FUT6: variants seen among roughly 807,000 people sequenced by gnomAD.
FUT6 encodes fucosyltransferase 6, also known as 4-galactosyl-N-acetylglucosaminide 3-alpha-L-fucosyltransferase FUT6.
For synonymous variants in FUT6, 187 were observed against 209.9 expected, an observed-to-expected ratio of 0.89 and a Z score of 0.94; for missense variants, 454 against 494.6, an observed-to-expected ratio of 0.92 and a Z score of 0.78.
rs2057074430 is a variant in FUT6 at position 5,830,551 on chromosome 19, G to C, written c.*937C>G. The C allele has an allele frequency of 6.8e-6, 1 of 146,466 alleles. No homozygotes were observed. Among genetic ancestry groups the C allele is most frequent in the Non-Finnish European group, 1.5e-5 (1 of 67,410 alleles). 9.1% of individuals were successfully genotyped at this position (146,466 alleles called of 1,614,324 possible). ...GGGTTCAAGCGATTCTTGTGTCTCA[G>C]CCACCTGGGTAGCTGGGATTACAGG... is the stretch of plus-strand genomic sequence containing the variant. On this transcript the variant is annotated 3_prime_UTR_variant, in exon 3 of 3. Transcript: ENST00000318336.
In FUT6 at chr19:5,832,587, G is replaced by A. The variant is rs753550939; in HGVS notation, c.-12-8C>T. 3.1e-6 allele frequency: 5 copies of A among 1,598,448 alleles called. No individual in the cohort carries two copies. Among genetic ancestry groups the A allele is most frequent in the Non-Finnish European group, 4.3e-6 (5 of 1,166,428 alleles). ...ATCCATGGGTCAGAGTATCTGGGAA[G>A]TGGGGAGAGAGGAGTGAGGGTCATT... On this transcript the variant is annotated splice_polypyrimidine_tract_variant and splice_region_variant and intron_variant, in intron 2 of 2. Coordinates refer to ENST00000318336, the MANE Select transcript of FUT6 (RefSeq NM_000150.4). The surrounding 1 kb of genome is among the most constrained non-coding windows in gnomAD (Gnocchi z 4.3).
chr19:5,832,476 A>G lies in FUT6; in HGVS notation c.92T>C (p.Phe31Ser). The G allele has an allele frequency of 6.2e-7, 1 of 1,613,718 alleles. No homozygotes were observed. The highest frequency in any genetic ancestry group is 8.5e-7 in the Non-Finnish European group (1 of 1,179,962). The change falls in exon 3 of 3, where the codon TTC becomes TCC. Residue 31 changes from phenylalanine to serine, a missense_variant. Transcript: ENST00000318336. This position sits in a 1 kb window ranked among gnomAD's most constrained non-coding sequence, Gnocchi z 4.3. Reference sequence around the variant, plus strand: ...GTCTTGAGACACACGCAGATAGGAGAAGAAACACACAGCCATCAGCAGCTG... The same window carrying G: ...GTCTTGAGACACACGCAGATAGGAGGAGAAACACACAGCCATCAGCAGCTG... The part of the protein sequence containing the change: ...LFQLLMAVCF[F>S]SYLRVSQDDP...
chr19:5,837,835 G>A (rs1471229354), intron 1 of FUT6: 1 of 152,184 alleles, frequency 6.6e-6, no homozygotes, highest in East Asian at 1.9e-4. Context: ...GCATAGCGGA[G>A]CTCCAGGCAT....
chr19:5,833,145 G>A lies in FUT6; in HGVS notation c.-12-566C>T, dbSNP rs150165046. ...AGAGAAAGCAAAGGAAGTACTCAGGGCTGCCAGTGTCGAGTTCATATTAGA... is the reference window on the plus strand; with the variant it reads ...AGAGAAAGCAAAGGAAGTACTCAGGACTGCCAGTGTCGAGTTCATATTAGA... On this transcript the variant is annotated intron_variant, in intron 2 of 2. Transcript: ENST00000318336. Among the ~76,000 whole-genome samples, 25 of 152,320 alleles carry A rather than the reference G, an allele frequency of 1.6e-4. No homozygotes were observed. In the East Asian group the frequency reaches 4.8e-3, roughly 29 times the overall value.
chr19:5,831,725 C>T lies in FUT6; in HGVS notation c.843G>A (p.Glu281=), dbSNP rs1233502793. ...TGAAGGCGTCGGGTGGCAGGAACCT[C>T]TCGTAGTTGCTTCTGCTGGGGCCCA... is the stretch of plus-strand genomic sequence containing the variant. ...VVLGPSRSNY[E]RFLPPDAFIH... Residue 281 remains glutamate, a synonymous_variant, in exon 3 of 3, where the codon GAG becomes GAA. Transcript: ENST00000318336. This position sits in a 1 kb window ranked among gnomAD's most constrained non-coding sequence, Gnocchi z 7.0. 2 of 1,612,042 alleles carry T rather than the reference C, an allele frequency of 1.2e-6. No individual in the cohort carries two copies. The highest frequency in any genetic ancestry group is 3.3e-5 in the Admixed American group (2 of 59,908).
At chr19:5,833,882 A>G (rs1469532615) in intron 2 of FUT6, among the ~76,000 whole-genome samples, 1 of 152,116 alleles carries the variant, frequency 6.6e-6, no homozygotes, top group Non-Finnish European at 1.5e-5. Context: ...CTGTATTCCC[A>G]GCACTTTGGA....
rs1436866725 is a variant in FUT6 at position 5,832,234 on chromosome 19, C to G, written c.334G>C (p.Val112Leu). 6.2e-7 allele frequency: 1 copy of G among 1,613,916 alleles called. No individual in the cohort carries two copies. Among genetic ancestry groups the G allele is most frequent in the African/African-American group, 1.3e-5 (1 of 74,924 alleles). ...AGCTGGGCACTGGGGTTGTACATGA[C>G]CTCTCGGTGGTGCACGATGACCGCG... Reference protein sequence around the residue: ...ADAVIVHHREVMYNPSAQLPR... With the variant: ...ADAVIVHHRELMYNPSAQLPR... Residue 112 changes from valine (V) to leucine (L), a missense_variant, in exon 3 of 3, where the codon GTC (valine) becomes CTC (leucine). Val to Leu is a conservative substitution (Grantham distance 32). Transcript: ENST00000318336. This position sits in a 1 kb window ranked among gnomAD's most constrained non-coding sequence, Gnocchi z 4.3.
chr19:5,831,918 T>G lies in FUT6; in HGVS notation c.650A>C (p.Lys217Thr), dbSNP rs528111791. The G allele has an allele frequency of 6.2e-7, 1 of 1,613,916 alleles. No individual in the cohort carries two copies. Among genetic ancestry groups the G allele is most frequent in the South Asian group, 1.1e-5 (1 of 91,074 alleles). The stretch of plus-strand genomic sequence containing the variant: ...GTGGGAGCGTCCGTACACGTCCACC[T>G]TGAGATGGGCCTGCAGGCTCTGGTA... ...RYYQSLQAHL[K>T]VDVYGRSHKP... Residue 217 changes from lysine to threonine, a missense_variant, in exon 3 of 3, where the codon AAG becomes ACG. Lys to Thr is a moderately conservative substitution (Grantham distance 78). Coordinates refer to ENST00000318336, the MANE Select transcript of FUT6 (RefSeq NM_000150.4). This position sits in a 1 kb window ranked among gnomAD's most constrained non-coding sequence, Gnocchi z 7.0.
chr19:5,834,262 CGTGGGG>C (rs2057149941), intron 2 of FUT6: 1 of 9,144 alleles, frequency 1.1e-4, no homozygotes, highest in Non-Finnish European at 1.8e-4. Context: ...AATAGGCAGG[CGTGGGG>C]ACCGATAGGA....
intron 1 of FUT6, among the ~76,000 whole-genome samples, chr19:5,835,374 C>T (rs2057165681): frequency 6.6e-6 from 1 of 152,214 alleles, no homozygotes; most frequent in East Asian, 1.9e-4. Context: ...GTACACACAA[C>T]TAGAGCCATT....
At chr19:5,837,931 G>C (rs1451952720) in intron 1 of FUT6, 8 of 152,150 alleles carry the variant, frequency 5.3e-5, no homozygotes, top group Non-Finnish European at 1.0e-4. Flanking sequence ...GCCCTCGAGG[G>C]ACACTCAGAG....
intron 1 of FUT6, among the ~76,000 whole-genome samples, chr19:5,837,037 ATGTT>A: frequency 6.6e-6 from 1 of 152,050 alleles, no homozygotes; most frequent in East Asian, 1.9e-4. Flanking sequence ...TGTACTTTTT[ATGTT>A]TGTTTGTTTG....
rs982956364 is a variant in FUT6 at position 5,833,991 on chromosome 19, G to A, written c.-13+959C>T. 1.1e-4 allele frequency among the ~76,000 whole-genome samples: 17 copies of A among 152,078 alleles called. 1 individual carries two copies. The highest frequency in any genetic ancestry group is 9.8e-4 in the Admixed American group (15 of 15,248). ...TACTAAAAATACAACAATTAGCTGGGCATGGTGGCACATGCCTGTAGTCCC... is the reference window on the plus strand; with the variant it reads ...TACTAAAAATACAACAATTAGCTGGACATGGTGGCACATGCCTGTAGTCCC... On this transcript the variant is annotated intron_variant, in intron 2 of 2. Transcript: ENST00000318336.
Position 5,831,747 on chromosome 19 carries a change from C to T in FUT6, c.821G>A (p.Gly274Asp), listed in dbSNP as rs2057097618. The T allele has an allele frequency of 1.9e-6, 3 of 1,612,724 alleles. No homozygotes were observed. Among genetic ancestry groups the T allele is most frequent in the African/African-American group, 1.3e-5 (1 of 74,790 alleles). The change falls in exon 3 of 3, where the codon GGC becomes GAC. Residue 274 changes from glycine to aspartate, a missense_variant. Physicochemically the swap from Gly to Asp is moderately conservative, Grantham distance 94. Transcript: ENST00000318336. This position sits in a 1 kb window ranked among gnomAD's most constrained non-coding sequence, Gnocchi z 7.0. ...CCTCTCGTAGTTGCTTCTGCTGGGG[C>T]CCAGCACCACGGGCACGGCCCAGGC... Reference protein sequence around the residue: ...LEAWAVPVVLGPSRSNYERFL... With the variant: ...LEAWAVPVVLDPSRSNYERFL...
In FUT6 at chr19:5,831,661, G is replaced by A. The variant is rs61147939; in HGVS notation, c.907C>T (p.Arg303Trp). The A allele has an allele frequency of 1.2e-5, 20 of 1,612,224 alleles. No homozygotes were observed. The highest frequency in any genetic ancestry group is 1.9e-4 in the Middle Eastern group (1 of 5,314). ...TCCTTGTCCAGCTCCTGCAGGTACC[G>A]GGCCAGGTCCTTGGGGCTCTGGAAG... ...DDFQSPKDLA[R>W]YLQELDKDHA... The change falls in exon 3 of 3, where the codon CGG (arginine) becomes TGG (tryptophan). Residue 303 changes from arginine to tryptophan, a missense_variant. Transcript: ENST00000318336. This position sits in a 1 kb window ranked among gnomAD's most constrained non-coding sequence, Gnocchi z 7.0.
At chr19:5,833,415 G>C (rs545623134) in intron 2 of FUT6, among the ~76,000 whole-genome samples, 7 of 151,794 alleles carry the variant, frequency 4.6e-5, no homozygotes, top group African/African-American at 1.5e-4. Context: ...CTTGAACCTG[G>C]GGGGTGGAGG....
In FUT6 at chr19:5,839,217, T is replaced by C. The variant is rs1426620116; in HGVS notation, c.-681A>G. The C allele has an allele frequency of 6.6e-6, 1 of 152,164 alleles. No individual in the cohort carries two copies. The highest frequency in any genetic ancestry group is 1.5e-5 in the Non-Finnish European group (1 of 68,026). The allele number at this position is 152,164 out of a possible 1,614,324, so 9.4% of individuals were successfully genotyped here. On this transcript the variant is annotated 5_prime_UTR_variant, in exon 1 of 3. Coordinates refer to ENST00000318336, the MANE Select transcript of FUT6 (RefSeq NM_000150.4). ...GCCAAGGGATCTTGCAGGAAACCGG[T>C]GGGCAAGTCAGGCAACTCATGAACC... is the stretch of plus-strand genomic sequence containing the variant.
rs1374756672 is a variant in FUT6 at position 5,832,484 on chromosome 19, C to T, written c.84G>A (p.Val28=). Residue 28 remains valine, a synonymous_variant, in exon 3 of 3, where the codon GTG becomes GTA. Coordinates refer to ENST00000318336, the MANE Select transcript of FUT6 (RefSeq NM_000150.4). The surrounding 1 kb of genome is among the most constrained non-coding windows in gnomAD (Gnocchi z 4.3). ...ACACACGCAGATAGGAGAAGAAACACACAGCCATCAGCAGCTGAAACAGCA... is the reference window on the plus strand; with the variant it reads ...ACACACGCAGATAGGAGAAGAAACATACAGCCATCAGCAGCTGAAACAGCA... ...TTLLFQLLMA[V]CFFSYLRVSQ... 6.2e-7 allele frequency: 1 copy of T among 1,613,806 alleles called. No individual in the cohort carries two copies. The highest frequency in any genetic ancestry group is 1.7e-5 in the Admixed American group (1 of 60,022).
In FUT6 at chr19:5,832,425, G is replaced by A. The variant is rs2057118778; in HGVS notation, c.143C>T (p.Ser48Phe). 6.2e-7 allele frequency: 1 copy of A among 1,613,998 alleles called. No individual in the cohort carries two copies. Among genetic ancestry groups the A allele is most frequent in the Admixed American group, 1.7e-5 (1 of 60,002 alleles). Residue 48 changes from serine (S) to phenylalanine (F), a missense_variant, in exon 3 of 3, where the codon TCC (serine) becomes TTC (phenylalanine). Physicochemically the swap from Ser to Phe is radical, Grantham distance 155. Coordinates refer to ENST00000318336, the MANE Select transcript of FUT6 (RefSeq NM_000150.4). The surrounding 1 kb of genome is among the most constrained non-coding windows in gnomAD (Gnocchi z 4.3). ...QDDPTVYPNG[S>F]RFPDSTGTPA... ...GGTCCCTGTGCTGTCTGGGAAGCGG[G>A]ACCCATTAGGGTACACAGTGGGATC...
Sources: allele counts gnomAD v4.1 joint callset (sites outside exome capture counted in the v4.1 genomes callset), GRCh38; gene constraint gnomAD v4.1.1; non-coding constraint Gnocchi (gnomAD v3.1); transcripts MANE v1.5; gene names NCBI Gene and HGNC (gene_info 2026-07-23, HGNC 2026-07-21).